The following NBPF12 variants were observed in gnomAD, a reference collection of about 807,000 sequenced individuals.
NBPF12 encodes the protein NBPF member 12, also known as NBPF family member NBPF12.
In NBPF12, 115 loss-of-function variants were observed where a neutral mutation model predicts 146.4. The observed-to-expected ratio is 0.79, with a 90% CI of 0.68 to 0.92. The LOEUF (loss-of-function observed/expected upper bound fraction) is 0.92. Ranked by LOEUF, NBPF12 falls within the 40% of genes least tolerant of loss-of-function variation. The probability of loss-of-function intolerance (pLI) is 0.00; values close to 1 mark genes in which losing one functional copy is unlikely to be tolerated. For synonymous variants in NBPF12, 385 were observed against 508.9 expected (o/e 0.76, Z 3.28); for missense variants, 1,205 against 1,326.8 (o/e 0.91, Z 1.43).
intron 2 of NBPF12, among the ~76,000 whole-genome samples, chr1:146,954,822 AATAG>A (rs1323153733): frequency 6.7e-6 from 1 of 149,112 alleles, no homozygotes; most frequent in Non-Finnish European, 1.5e-5. Context: ...AGAATCCAGA[AATAG>A]ATACTCACAT....
At chr1:146,939,109 C>G (rs1553882498) in intron 1 of NBPF12, 97 bp downstream of exon 1, 12,944 of 152,236 alleles carry the variant, frequency 0.085, 697 homozygotes, top group East Asian at 0.22. Context: ...GCGCCGGGCA[C>G]TGCCGGGCTC....
At chr1:146,977,083 G>C (rs1346722031) in intron 17 of NBPF12, 82 bp downstream of exon 20, 9 of 625,360 alleles carry the variant, frequency 1.4e-5, no homozygotes, top group Middle Eastern at 4.3e-4. Context: ...TGGCATGTAT[G>C]ATGGGCCAAA....
Position 146,962,144 on chromosome 1 carries a change from G to T in NBPF12, c.176-17G>T, listed in dbSNP as rs1168049141. The stretch of plus-strand genomic sequence containing the variant: ...TCCAGCCTTCCACTGAGGCAGGCGT[G>T]TCTGTCTTTTTCTCAGAGTATGAAG... On this transcript the variant is annotated splice_polypyrimidine_tract_variant and intron_variant, in intron 4 of 33. Transcript: ENST00000617844. The T allele has an allele frequency of 5.7e-5, 91 of 1,608,050 alleles. No homozygotes were observed. The highest frequency in any genetic ancestry group is 6.8e-5 in the Non-Finnish European group (80 of 1,177,518).
At chr1:146,968,808 T>G (rs1206965614) in intron 10 of NBPF12, among the ~76,000 whole-genome samples, 4 of 151,422 alleles carry the variant, frequency 2.6e-5, no homozygotes, top group Non-Finnish European at 5.9e-5. Context: ...AACACAAAAT[T>G]AACCAAAGGA....
At position 146,965,336 on chromosome 1, in the gene NBPF12, G is replaced by A. The variant is rs1553885488; in HGVS notation, c.778+232G>A. ...AGTATATGGTGAAACCCATCTTTAC[G>A]AAGAATACAAAAAATTAGGCAGTCA... On this transcript the variant is annotated intron_variant, in intron 8 of 33. Coordinates refer to ENST00000617844, the Ensembl canonical transcript of NBPF12. Among the ~76,000 whole-genome samples the A allele has an allele frequency of 5.8e-3, 854 of 148,008 alleles. 9 individuals carry two copies. The highest frequency in any genetic ancestry group is 0.021 in the East Asian group (108 of 5,044).
At position 146,967,033 on chromosome 1, in the gene NBPF12, C is replaced by G. The variant is rs1467977847; in HGVS notation, c.988+360C>G. Among the ~76,000 whole-genome samples the G allele has an allele frequency of 3.3e-5, 5 of 151,430 alleles. No individual in the cohort carries two copies. In the East Asian group the frequency reaches 9.6e-4, roughly 29 times the overall value. ...ACATCTAGTCTGTTGTTCTAAATAT[C>G]TGAGACTAGTGAACTTTTATTCAGT... On this transcript the variant is annotated intron_variant, in intron 9 of 33. Transcript: ENST00000617844.
At chr1:146,971,711 C>T (rs1332606672) in intron 13 of NBPF12, among the ~76,000 whole-genome samples, 3 of 150,404 alleles carry the variant, frequency 2.0e-5, no homozygotes, top group African/African-American at 7.5e-5. Context: ...GATCGGCTAA[C>T]ACGATCCTCC....
chr1:146,994,102 C>G (rs1184465661), intron 33 of NBPF12, among the ~76,000 whole-genome samples: 2 of 107,568 alleles, frequency 1.9e-5, no homozygotes, highest in Non-Finnish European at 3.5e-5. Context: ...CTCTCTGTCT[C>G]TGTCTCTGTC....
intron 21 of NBPF12, among the ~76,000 whole-genome samples, chr1:146,984,571 CTCACACTGTGTGTGTGTGTGTGTGTGTG>C (rs1353112668): frequency 1.4e-5 from 2 of 142,346 alleles, no homozygotes; most frequent in Non-Finnish European, 3.0e-5. Flanking sequence ...ATTGACTGAG[CTCACACTGTGTGTGTGTGTGTGTGTGTG>C]TGTGTGTGTG....
chr1:146,981,311 A>ATG (rs1657372148), intron 19 of NBPF12, among the ~76,000 whole-genome samples: 7 of 141,900 alleles, frequency 4.9e-5, no homozygotes, highest in Non-Finnish European at 9.1e-5. Flanking sequence ...ATATATATAT[A>ATG]TATACATACA....
rs1234074476 is a variant in NBPF12 at position 146,974,425 on chromosome 1, T to G, written c.1802-314T>G. On this transcript the variant is annotated intron_variant, in intron 14 of 33. Transcript: ENST00000617844. ...AGTGTTTTAGAGGAGAGGCTGCAAG[T>G]CTTGGGAAAGTGGCCCCGAATTCAG... is the stretch of plus-strand genomic sequence containing the variant. 8.9e-5 allele frequency among the ~76,000 whole-genome samples: 12 copies of G among 135,474 alleles called. 1 individual carries two copies. Among genetic ancestry groups the G allele is most frequent in the Admixed American group, 7.3e-4 (9 of 12,304 alleles). 88.9% of individuals were successfully genotyped at this position (135,474 alleles called of 152,430 possible).
intron 17 of NBPF12, 113 bp downstream of exon 20, chr1:146,977,114 C>T (rs1657089990): frequency 3.9e-6 from 3 of 771,372 alleles, no homozygotes. Context: ...CGCTTGGCCA[C>T]AGTATGTGAA....
intron 21 of NBPF12, 143 bp from the exon 25 acceptor site, chr1:146,984,668 CAT>C (rs1297364462): frequency 3.0e-6 from 2 of 669,400 alleles, no homozygotes; most frequent in African/African-American, 4.0e-5. Context: ...TCTATCACAA[CAT>C]AAAGGCAATA....
At chr1:146,994,173 C>T (rs11585001) in intron 33 of NBPF12, among the ~76,000 whole-genome samples, 159 bp from the exon 37 acceptor site, 3,690 of 142,352 alleles carry the variant, frequency 0.026, 61 homozygotes, top group African/African-American at 0.038. Context: ...CTACCTGGCC[C>T]TGTTCTATCC....
At chr1:146,971,715 A>T (rs1389855212) in intron 13 of NBPF12, among the ~76,000 whole-genome samples, 1 of 150,164 alleles carries the variant, frequency 6.7e-6, no homozygotes, top group Non-Finnish European at 1.5e-5. Flanking sequence ...GGCTAACACG[A>T]TCCTCCCACT....
chr1:146,980,889 A>C (rs1277801079), intron 19 of NBPF12, among the ~76,000 whole-genome samples: 4 of 139,910 alleles, frequency 2.9e-5, no homozygotes, highest in Admixed American at 7.6e-5. Context: ...CCAAATATCC[A>C]GCAATGATAG....
chr1:146,969,615 C>T lies in NBPF12; in HGVS notation c.1306+19C>T, dbSNP rs1360001658. The T allele has an allele frequency of 6.2e-7, 1 of 1,609,300 alleles. No homozygotes were observed. The highest frequency in any genetic ancestry group is 1.4e-5 in the African/African-American group (1 of 74,002). ...AGCCCAGGTAAGGTGGCCACAGGCC[C>T]TGATGACCCAAAACCCCAGGCTTAT... On this transcript the variant is annotated intron_variant, in intron 11 of 33. Transcript: ENST00000617844.
Position 146,994,689 on chromosome 1 carries a change from G to A in NBPF12, c.*114G>A, listed in dbSNP as rs587602355. Reference sequence around the variant, plus strand: ...AAGCCCAGACATAGGATGGGTCAGTGGGCATGGCTCTATTCCTATTCTCAG... The same window carrying A: ...AAGCCCAGACATAGGATGGGTCAGTAGGCATGGCTCTATTCCTATTCTCAG... On this transcript the variant is annotated 3_prime_UTR_variant, in exon 34 of 34. Transcript: ENST00000617844. 1.2e-3 allele frequency: 1,782 copies of A among 1,516,556 alleles called. 10 individuals carry two copies. Among genetic ancestry groups the A allele is most frequent in the Middle Eastern group, 9.8e-3 (40 of 4,102 alleles). The allele number at this position is 1,516,556 out of a possible 1,614,324, so 93.9% of individuals were successfully genotyped here. A position where few individuals can be genotyped will look rare whatever the true frequency, so the allele number is the denominator to read the frequency against.
chr1:146,960,454 C>T lies in NBPF12; in HGVS notation c.175+136C>T. ...AGGAAAACAGAAATGGGTATTTTAA[C>T]ATTTTGTTAAAGTTGGAAGACAGAG... On this transcript the variant is annotated intron_variant, in intron 4 of 33. Transcript: ENST00000617844. 9.8e-6 allele frequency: 6 copies of T among 612,096 alleles called. No homozygotes were observed. The South Asian group carries it at 9.8e-5, about 10-fold the overall frequency. The allele number at this position is 612,096 out of a possible 1,614,324, so 37.9% of individuals were successfully genotyped here.
Sources: allele counts gnomAD v4.1 joint callset (sites outside exome capture counted in the v4.1 genomes callset), GRCh38; gene constraint gnomAD v4.1.1; transcripts MANE v1.5; gene names NCBI Gene and HGNC (gene_info 2026-07-23, HGNC 2026-07-21).